The following IRX1 variants were observed in gnomAD, a reference collection of about 807,000 sequenced individuals.
IRX1 encodes iroquois homeobox 1, also known as iroquois-class homeodomain protein IRX-1.
A neutral mutation model predicts 34.1 loss-of-function variants in IRX1; 22 were observed. That is an observed-to-expected ratio of 0.64 (90% confidence interval 0.46 to 0.92). The LOEUF is 0.92. Ranked by LOEUF, IRX1 falls within the 40% of genes least tolerant of loss-of-function variation. IRX1 has a pLI of 0.00. For missense variants in IRX1, 758 were observed against 680.0 expected, an observed-to-expected ratio of 1.11 and a Z score of -1.28; for synonymous variants, 363 against 319.0, an observed-to-expected ratio of 1.14 and a Z score of -1.47.
intron 3 of IRX1, 62 bp from the exon 4 acceptor site, chr5:3,600,921 C>G: frequency 1.9e-6 from 3 of 1,538,562 alleles, no homozygotes. Context: ...CGGCGTCGCC[C>G]GGCGCTGCGT....
chr5:3,599,133 C>T lies in IRX1; in HGVS notation c.277-92C>T, dbSNP rs1287048476. ...ATTGAAGCGGCTGCTTCCCACTCTC[C>T]CGTCTTGGGGACTCATGTCTCTCTC... On this transcript the variant is annotated intron_variant, in intron 1 of 3. Coordinates refer to ENST00000302006, the MANE Select transcript of IRX1 (RefSeq NM_024337.4). The surrounding 1 kb of genome is among the most constrained non-coding windows in gnomAD (Gnocchi z 6.6). 2.2e-6 allele frequency: 3 copies of T among 1,341,944 alleles called. No individual in the cohort carries two copies. The highest frequency in any genetic ancestry group is 2.9e-5 in the African/African-American group (2 of 68,562). The allele number at this position is 1,341,944 out of a possible 1,614,324, so 83.1% of individuals were successfully genotyped here.
Position 3,599,292 on chromosome 5 carries a change from C to A in IRX1, c.344C>A (p.Pro115Gln). 1 of 1,614,076 alleles carries A rather than the reference C, an allele frequency of 6.2e-7. No individual in the cohort carries two copies. Among genetic ancestry groups the A allele is most frequent in the South Asian group, 1.1e-5 (1 of 91,078 alleles). Residue 115 changes from proline to glutamine, a missense_variant, in exon 2 of 4, where the codon CCG (proline) becomes CAG (glutamine). Transcript: ENST00000302006. The surrounding 1 kb of genome is among the most constrained non-coding windows in gnomAD (Gnocchi z 6.6). Reference protein sequence around the residue: ...HPATFAAHTAPAYYPYGQFQY... With the variant: ...HPATFAAHTAQAYYPYGQFQY... ...GCCACCTTCGCAGCCCACACGGCGCCGGCTTATTACCCCTACGGCCAGTTC... is the reference window on the plus strand; with the variant it reads ...GCCACCTTCGCAGCCCACACGGCGCAGGCTTATTACCCCTACGGCCAGTTC...
intron 2 of IRX1, 27 bp downstream of exon 2, chr5:3,600,287 T>C (rs1733929175): frequency 6.5e-7 from 1 of 1,529,224 alleles, no homozygotes; most frequent in Non-Finnish European, 8.8e-7. Flanking sequence ...CGTCCACCTG[T>C]CCCCTAGCTG....
rs908333918 is a variant in IRX1 at position 3,600,127 on chromosome 5, C to T, written c.1179C>T (p.Gly393=). 1.9e-6 allele frequency: 3 copies of T among 1,613,194 alleles called. No individual in the cohort carries two copies. The highest frequency in any genetic ancestry group is 1.3e-5 in the African/African-American group (1 of 74,936). The change falls in exon 2 of 4, where the codon GGC becomes GGT. Residue 393 remains glycine, a synonymous_variant. Transcript: ENST00000302006. The part of the protein sequence containing the change: ...GSLLNMRSFL[G]VGAPHAAPHG... Reference sequence around the variant, plus strand: ...TGCTCAACATGCGCTCCTTCCTGGGCGTTGGCGCTCCCCACGCCGCGCCCC... The same window carrying T: ...TGCTCAACATGCGCTCCTTCCTGGGTGTTGGCGCTCCCCACGCCGCGCCCC...
chr5:3,600,776 G>A, intron 3 of IRX1, 95 bp downstream of exon 3: 1 of 1,258,176 alleles, frequency 7.9e-7, no homozygotes, highest in Non-Finnish European at 1.2e-6. Context: ...GTGGCGGTGG[G>A]GGTCGCGCAG....
In IRX1 at chr5:3,596,237, G is replaced by T. The variant is rs745820093; in HGVS notation, c.132G>T (p.Gly44=). ...AAAAASSGRP[G]AAELGGGAGA... ...CCGCCGCCTCGTCGGGCCGACCGGG[G>T]GCCGCGGAGCTGGGCGGCGGGGCAG... The change falls in exon 1 of 4, where the codon GGG becomes GGT. Residue 44 remains glycine, a synonymous_variant. Coordinates refer to ENST00000302006, the MANE Select transcript of IRX1 (RefSeq NM_024337.4). 2.0e-4 allele frequency: 234 copies of T among 1,169,232 alleles called. No individual in the cohort carries two copies. Among genetic ancestry groups the T allele is most frequent in the Admixed American group, 2.8e-4 (6 of 21,268 alleles). 72.4% of individuals were successfully genotyped at this position (1,169,232 alleles called of 1,614,324 possible). A position where few individuals can be genotyped will look rare whatever the true frequency, so the allele number is the denominator to read the frequency against.
At chr5:3,598,923 A>G (rs929363169) in intron 1 of IRX1, among the ~76,000 whole-genome samples, 4 of 152,088 alleles carry the variant, frequency 2.6e-5, no homozygotes, top group Non-Finnish European at 5.9e-5. Context: ...GCTCTTCTGG[A>G]GAGTGCACTG....
rs993849545 is a variant in IRX1, at chr5:3,599,683, C to A, written c.735C>A (p.Asp245Glu). The change falls in exon 2 of 4, where the codon GAC (aspartate) becomes GAA (glutamate). Residue 245 changes from aspartate (D) to glutamate (E), a missense_variant. This residue lies in a region of IRX1 where 529 missense variants were observed against 418.8 expected (regional missense o/e 1.26). Coordinates refer to ENST00000302006, the MANE Select transcript of IRX1 (RefSeq NM_024337.4). The surrounding 1 kb of genome is among the most constrained non-coding windows in gnomAD (Gnocchi z 6.6). Reference protein sequence around the residue: ...EHDGDQSNEDDEDKAEAPHAP... With the variant: ...EHDGDQSNEDEEDKAEAPHAP... ...ATGGCGACCAGAGCAACGAGGATGA[C>A]GAGGACAAGGCCGAGGCTCCGCACG... 1 of 1,613,448 alleles carries A rather than the reference C, an allele frequency of 6.2e-7. No individual in the cohort carries two copies. Among genetic ancestry groups the A allele is most frequent in the Non-Finnish European group, 8.5e-7 (1 of 1,180,012 alleles).
In IRX1 at chr5:3,599,566, C is replaced by T. The variant is rs61745751; in HGVS notation, c.618C>T (p.Phe206=). Reference sequence around the variant, plus strand: ...AGGACCAGGAAGATGGAGCGCTCTTCGGCAGCGACACCGAGGGCGACCCGG... The same window carrying T: ...AGGACCAGGAAGATGGAGCGCTCTTTGGCAGCGACACCGAGGGCGACCCGG... The part of the protein sequence containing the change: ...RSKDQEDGAL[F]GSDTEGDPEK... The change falls in exon 2 of 4, where the codon TTC becomes TTT. Residue 206 remains phenylalanine, a synonymous_variant. Transcript: ENST00000302006. The surrounding 1 kb of genome is among the most constrained non-coding windows in gnomAD (Gnocchi z 6.6). 1.8e-4 allele frequency: 291 copies of T among 1,614,034 alleles called. 2 individuals are homozygous for T. The African/African-American group carries it at 3.1e-3, about 17-fold the overall frequency.
At chr5:3,596,734 C>T (rs528651511) in intron 1 of IRX1, among the ~76,000 whole-genome samples, 4 of 152,264 alleles carry the variant, frequency 2.6e-5, no homozygotes, top group Admixed American at 1.3e-4. Context: ...CGGGCAGGCC[C>T]ACGGGGTTCC....
Position 3,599,842 on chromosome 5 carries a change from C to G in IRX1, c.894C>G (p.Ser298Arg). ...AGCCGGGCAGCACGCGCCTGCTGAG[C>G]CCCGGCGCTGCAGCGGGCGGCCTGC... The part of the protein sequence containing the change: ...APEPGSTRLL[S>R]PGAAAGGLQG... The change falls in exon 2 of 4, where the codon AGC becomes AGG. Residue 298 changes from serine (S) to arginine (R), a missense_variant. Physicochemically the swap from Ser to Arg is moderately radical, Grantham distance 110 (BLOSUM62 -1). Coordinates refer to ENST00000302006, the MANE Select transcript of IRX1 (RefSeq NM_024337.4). This position sits in a 1 kb window ranked among gnomAD's most constrained non-coding sequence, Gnocchi z 6.6. The G allele has an allele frequency of 1.3e-6, 2 of 1,546,948 alleles. No individual in the cohort carries two copies. Among genetic ancestry groups the G allele is most frequent in the Non-Finnish European group, 1.7e-6 (2 of 1,148,526 alleles).
rs774706658 is a variant in IRX1, at chr5:3,596,375, G to T, written c.270G>T (p.Ser90=). 3 of 1,532,850 alleles carry T rather than the reference G, an allele frequency of 2.0e-6. No individual in the cohort carries two copies. Among genetic ancestry groups the T allele is most frequent in the African/African-American group, 2.9e-5 (2 of 70,050 alleles). 95.0% of individuals were successfully genotyped at this position (1,532,850 alleles called of 1,614,324 possible). The change falls in exon 1 of 4, where the codon TCG becomes TCT. Residue 90 remains serine (S), a synonymous_variant. Coordinates refer to ENST00000302006, the MANE Select transcript of IRX1 (RefSeq NM_024337.4). The part of the protein sequence containing the change: ...LPYAADLSLF[S]QMGSQYELKD... ...ACGCCGCGGATCTCAGCCTCTTCTC[G>T]CAGATGGTGAGTGCGCCCGGCCTCC...
Position 3,601,093 on chromosome 5 carries a change from G to A in IRX1, c.*53G>A. The A allele has an allele frequency of 7.7e-7, 1 of 1,307,042 alleles. No individual in the cohort carries two copies. Among genetic ancestry groups the A allele is most frequent in the South Asian group, 1.2e-5 (1 of 84,494 alleles). 81.0% of individuals were successfully genotyped at this position (1,307,042 alleles called of 1,614,324 possible). A position where few individuals can be genotyped will look rare whatever the true frequency, so the allele number is the denominator to read the frequency against. On this transcript the variant is annotated 3_prime_UTR_variant, in exon 4 of 4. Transcript: ENST00000302006. ...GGGGAGGGGGGAGGAGTTGGGGAGG[G>A]AGGGAATGTGGGAGGAATTAAGACA...
At position 3,600,164 on chromosome 5, in the gene IRX1, C is replaced by A. The variant is rs1203189538; in HGVS notation, c.1216C>A (p.Leu406Ile). The change falls in exon 2 of 4, where the codon CTT (leucine) becomes ATT (isoleucine). Residue 406 changes from leucine (L) to isoleucine (I), a missense_variant. By Grantham distance (5) the Leu-to-Ile change is conservative. This residue lies in a region of IRX1 where 529 missense variants were observed against 418.8 expected (regional missense o/e 1.26). Transcript: ENST00000302006. Reference sequence around the variant, plus strand: ...CCACGCCGCGCCCCATGGCCCTCACCTTCCTGCACCTCCACCACCGCAGCC... The same window carrying A: ...CCACGCCGCGCCCCATGGCCCTCACATTCCTGCACCTCCACCACCGCAGCC... The part of the protein sequence containing the change: ...APHAAPHGPH[L>I]PAPPPPQPPV... The A allele has an allele frequency of 1.9e-6, 3 of 1,612,888 alleles. No homozygotes were observed. Among genetic ancestry groups the A allele is most frequent in the Non-Finnish European group, 2.5e-6 (3 of 1,179,876 alleles).
chr5:3,596,125 G>T lies in IRX1; in HGVS notation c.20G>T (p.Gly7Val). Residue 7 changes from glycine (G) to valine (V), a missense_variant, in exon 1 of 4, where the codon GGC becomes GTC. By Grantham distance (109) the Gly-to-Val change is moderately radical. This residue lies in a region of IRX1 where 195 missense variants were observed against 195.0 expected (regional missense o/e 1.00). Coordinates refer to ENST00000302006, the MANE Select transcript of IRX1 (RefSeq NM_024337.4). ...GCGGACATGTCCTTCCCGCAGCTGG[G>T]CTACCCGCAGTACCTGAGCGCCGCG... MSFPQL[G>V]YPQYLSAAGP... 1 of 1,053,132 alleles carries T rather than the reference G, an allele frequency of 9.5e-7. No individual in the cohort carries two copies. Among genetic ancestry groups the T allele is most frequent in the East Asian group, 7.0e-5 (1 of 14,308 alleles). The allele number at this position is 1,053,132 out of a possible 1,614,324, so 65.2% of individuals were successfully genotyped here.
chr5:3,600,123 T>C lies in IRX1; in HGVS notation c.1175T>C (p.Leu392Pro). The C allele has an allele frequency of 2.5e-6, 4 of 1,613,312 alleles. No individual in the cohort carries two copies. The highest frequency in any genetic ancestry group is 3.4e-6 in the Non-Finnish European group (4 of 1,179,898). The change falls in exon 2 of 4, where the codon CTG becomes CCG. Residue 392 changes from leucine (L) to proline (P), a missense_variant. Transcript: ENST00000302006. ...QGSLLNMRSF[L>P]GVGAPHAAPH... is the part of the protein sequence containing the mutation. ...TCCCTGCTCAACATGCGCTCCTTCCTGGGCGTTGGCGCTCCCCACGCCGCG... is the reference window on the plus strand; with the variant it reads ...TCCCTGCTCAACATGCGCTCCTTCCCGGGCGTTGGCGCTCCCCACGCCGCG...
At position 3,599,798 on chromosome 5, in the gene IRX1, C is replaced by A; in HGVS notation, c.850C>A (p.Leu284Met). Residue 284 changes from leucine (L) to methionine (M), a missense_variant, in exon 2 of 4, where the codon CTG becomes ATG. By Grantham distance (15) the Leu-to-Met change is conservative. Transcript: ENST00000302006. This position sits in a 1 kb window ranked among gnomAD's most constrained non-coding sequence, Gnocchi z 6.6. ...CAAGCCCCAGGACTCGCCCTTGGGC[C>A]TGGCAAAGGAGGCCCCAGAGCCGGG... Reference protein sequence around the residue: ...VLKPQDSPLGLAKEAPEPGST... With the variant: ...VLKPQDSPLGMAKEAPEPGST... 6.3e-7 allele frequency: 1 copy of A among 1,596,618 alleles called. No individual in the cohort carries two copies. Among genetic ancestry groups the A allele is most frequent in the Non-Finnish European group, 8.5e-7 (1 of 1,172,702 alleles).
chr5:3,600,844 G>T (rs1311127468), intron 3 of IRX1, 139 bp from the exon 4 acceptor site: 7 of 1,159,126 alleles, frequency 6.0e-6, no homozygotes, highest in Non-Finnish European at 9.0e-6. Context: ...CGAGGAGACT[G>T]GAGTTTCTCC....
At position 3,599,213 on chromosome 5, in the gene IRX1, C is replaced by G; in HGVS notation, c.277-12C>G. ...CCTCTCTCTCCTCGATGGATCTGCC[C>G]TGTGGCTTCAGGGCTCGCAGTATGA... On this transcript the variant is annotated splice_polypyrimidine_tract_variant and intron_variant, in intron 1 of 3. Coordinates refer to ENST00000302006, the MANE Select transcript of IRX1 (RefSeq NM_024337.4). The surrounding 1 kb of genome is among the most constrained non-coding windows in gnomAD (Gnocchi z 6.6). 1.9e-6 allele frequency: 3 copies of G among 1,609,206 alleles called. No homozygotes were observed. The highest frequency in any genetic ancestry group is 2.5e-6 in the Non-Finnish European group (3 of 1,176,926).
Sources: allele counts gnomAD v4.1 joint callset (sites outside exome capture counted in the v4.1 genomes callset), GRCh38; gene constraint gnomAD v4.1.1; regional missense constraint gnomAD v4.1.1; non-coding constraint Gnocchi (gnomAD v3.1); transcripts MANE v1.5; gene names NCBI Gene and HGNC (gene_info 2026-07-23, HGNC 2026-07-21).